The following ZFAND3 variants were observed in gnomAD, a reference collection of about 807,000 sequenced individuals.
ZFAND3 encodes the protein zinc finger AN1-type containing 3.
In ZFAND3, 10 loss-of-function variants were observed where a neutral mutation model predicts 29.6. The ratio of observed to expected loss-of-function variants is 0.34; its 90% confidence interval spans 0.21 to 0.57. The LOEUF (loss-of-function observed/expected upper bound fraction) is 0.57. ZFAND3 is among the 20% of genes least tolerant of loss of function. The pLI is 0.86. For synonymous variants in ZFAND3, 128 were observed against 112.6 expected (o/e 1.14, Z -0.87); for missense variants, 230 against 304.5 (o/e 0.76, Z 1.82).
intron 2 of ZFAND3, among the ~76,000 whole-genome samples, chr6:37,937,930 A>T (rs1040604093): frequency 2.0e-5 from 3 of 152,274 alleles, no homozygotes; most frequent in Non-Finnish European, 2.9e-5. Context: ...GGTGTCTGAC[A>T]TTCAGAATAT....
chr6:37,823,119 CTG>C (rs1581687745), intron 1 of ZFAND3, among the ~76,000 whole-genome samples: 1 of 152,172 alleles, frequency 6.6e-6, no homozygotes, highest in Admixed American at 6.5e-5. Flanking sequence ...GGGTATGACT[CTG>C]TGTGTCTGTA....
At chr6:38,030,106 T>A (rs1763530342) in intron 2 of ZFAND3, among the ~76,000 whole-genome samples, 1 of 136,276 alleles carries the variant, frequency 7.3e-6, no homozygotes, top group East Asian at 2.4e-4. Flanking sequence ...ATATATAGCC[T>A]GAGAAGGTCT....
At chr6:37,967,118 T>C (rs1345764900) in intron 2 of ZFAND3, among the ~76,000 whole-genome samples, 1 of 152,216 alleles carries the variant, frequency 6.6e-6, no homozygotes, top group Non-Finnish European at 1.5e-5. Flanking sequence ...GTAAAGTTAC[T>C]CTTCTTGTTT....
chr6:37,870,640 A>G (rs919888159), intron 1 of ZFAND3, among the ~76,000 whole-genome samples: 3 of 149,234 alleles, frequency 2.0e-5, no homozygotes, highest in Admixed American at 6.7e-5. Context: ...ATGACCTTCC[A>G]CTGTCTTTTG....
rs1469155178 is a variant in ZFAND3 at position 37,819,922 on chromosome 6, C to T, written c.-24C>T. ...CAGCCGCCGCCACCGCTGCCGCCGC[C>T]GAGCTCCGCCGCCGCCGAGCACCAT... On this transcript the variant is annotated 5_prime_UTR_variant, in exon 1 of 6. Transcript: ENST00000287218. 2.5e-6 allele frequency: 3 copies of T among 1,207,278 alleles called. No individual in the cohort carries two copies. Among genetic ancestry groups the T allele is most frequent in the Admixed American group, 4.4e-5 (1 of 22,516 alleles). 74.8% of individuals were successfully genotyped at this position (1,207,278 alleles called of 1,614,324 possible).
intron 4 of ZFAND3, among the ~76,000 whole-genome samples, chr6:38,103,495 G>A (rs573804597): frequency 0.041 from 527 of 12,920 alleles, 4 homozygotes; most frequent in Middle Eastern, 0.13. Context: ...ATATATACAC[G>A]TGTATATATA....
intron 1 of ZFAND3, among the ~76,000 whole-genome samples, chr6:37,904,358 G>T (rs751579685): frequency 6.6e-6 from 1 of 152,154 alleles, no homozygotes; most frequent in Non-Finnish European, 1.5e-5. Flanking sequence ...ACTGGAAAAG[G>T]CCCAGGGTAA....
At chr6:38,083,830 C>T (rs1030127940) in intron 4 of ZFAND3, among the ~76,000 whole-genome samples, 4 of 151,248 alleles carry the variant, frequency 2.6e-5, no homozygotes, top group Non-Finnish European at 5.9e-5. Flanking sequence ...TGTCCATCTT[C>T]TAGGTAGATC....
chr6:38,151,038 G>A (rs1002772408), intron 5 of ZFAND3, among the ~76,000 whole-genome samples: 2 of 152,178 alleles, frequency 1.3e-5, no homozygotes, highest in African/African-American at 2.4e-5. Flanking sequence ...TCTCCCCAGC[G>A]TTTTGAAAGA....
In ZFAND3 at chr6:38,059,623, A is replaced by T. The variant is rs139712147; in HGVS notation, c.113-1970A>T. On this transcript the variant is annotated intron_variant, in intron 2 of 5. Transcript: ENST00000287218. ...ACAGGCGCTGTGGCTCACACCTGTA[A>T]TCCCAGCACTTTGGGAGACTGAGGC... Among the ~76,000 whole-genome samples, 908 of 152,280 alleles carry T rather than the reference A, an allele frequency of 6.0e-3. 5 individuals carry two copies. Among genetic ancestry groups the T allele is most frequent in the Non-Finnish European group, 0.01 (681 of 68,036 alleles).
intron 2 of ZFAND3, among the ~76,000 whole-genome samples, chr6:38,045,093 T>G (rs1268729170): frequency 2.0e-4 from 29 of 147,466 alleles, no homozygotes; most frequent in African/African-American, 5.7e-4. Flanking sequence ...TTTATTTATT[T>G]ATTTATTTAT....
Position 38,102,825 on chromosome 6 carries a change from C to T in ZFAND3, c.362-13747C>T, listed in dbSNP as rs556768856. 3.1e-3 allele frequency among the ~76,000 whole-genome samples: 470 copies of T among 152,216 alleles called. 3 individuals are homozygous for T. Among genetic ancestry groups the T allele is most frequent in the African/African-American group, 0.011 (447 of 41,540 alleles). On this transcript the variant is annotated intron_variant, in intron 4 of 5. Transcript: ENST00000287218. ...AGGCTGGAATGCAGTGGCGCGATCT[C>T]GGCTCACTGCAACCTCCGCCTCCTG...
At chr6:37,890,995 A>G (rs1765086764) in intron 1 of ZFAND3, among the ~76,000 whole-genome samples, 1 of 152,204 alleles carries the variant, frequency 6.6e-6, no homozygotes, top group Non-Finnish European at 1.5e-5. Flanking sequence ...GAAACTCTCA[A>G]AATAGTCAAA....
chr6:37,826,706 T>C (rs946897059), intron 1 of ZFAND3, among the ~76,000 whole-genome samples: 16 of 151,794 alleles, frequency 1.1e-4, no homozygotes, highest in African/African-American at 3.9e-4. Flanking sequence ...TGAGCTGAGA[T>C]TGTGCCACTG....
At chr6:38,010,712 G>A (rs1159086527) in intron 2 of ZFAND3, among the ~76,000 whole-genome samples, 1 of 150,282 alleles carries the variant, frequency 6.7e-6, no homozygotes, top group Non-Finnish European at 1.5e-5. Flanking sequence ...CAATTCTCTT[G>A]CCTCAGCCTC....
chr6:38,055,339 T>C (rs1764113553), intron 2 of ZFAND3, among the ~76,000 whole-genome samples: 1 of 152,188 alleles, frequency 6.6e-6, no homozygotes. Context: ...GAACCAGCAG[T>C]GTACCCTGTG....
intron 2 of ZFAND3, among the ~76,000 whole-genome samples, chr6:37,936,890 T>G (rs778013166): frequency 1.1e-4 from 16 of 152,236 alleles, no homozygotes; most frequent in Non-Finnish European, 2.4e-4. Context: ...AGGTGAGTGA[T>G]ATAACAATGC....
chr6:37,996,162 T>C (rs868598890), intron 2 of ZFAND3, among the ~76,000 whole-genome samples: 7 of 152,012 alleles, frequency 4.6e-5, no homozygotes, highest in African/African-American at 1.7e-4. Context: ...ATCTTTCTTA[T>C]CTTGCAGAAG....
intron 5 of ZFAND3, among the ~76,000 whole-genome samples, chr6:38,141,725 TA>T (rs1765960523): frequency 1.3e-5 from 2 of 151,778 alleles, no homozygotes; most frequent in South Asian, 4.2e-4. Context: ...GATGGGGAGG[TA>T]AAAGCAAGTG....
Sources: gnomAD v4.1 joint callset for allele counts (sites outside exome capture counted in the v4.1 genomes callset) on GRCh38, gnomAD v4.1.1 for gene constraint, MANE v1.5 for transcripts, NCBI Gene and HGNC (gene_info 2026-07-23, HGNC 2026-07-21) for gene names.